LGSN: variants seen among roughly 807,000 people sequenced by gnomAD.
LGSN encodes lengsin.
A neutral mutation model predicts 19.5 loss-of-function variants in LGSN; 21 were observed. The ratio of observed to expected loss-of-function variants is 1.07; its 90% CI spans 0.76 to 1.55. LGSN has a LOEUF of 1.55. Among genes scored for constraint, LGSN ranks in the 40% most tolerant of loss-of-function variants. LGSN has a pLI of 0.00. For missense variants in LGSN, 673 were observed against 608.5 expected (o/e 1.11, Z -1.12); for synonymous variants, 257 against 215.6 (o/e 1.19, Z -1.68).
chr6:63,490,073 A>G, the LGSN span, among the ~76,000 whole-genome samples: 1 of 152,358 alleles, frequency 6.6e-6, no homozygotes, highest in East Asian at 1.9e-4. Flanking sequence ...ATAAAATAAC[A>G]TTTCATTGAA....
the LGSN span, among the ~76,000 whole-genome samples, chr6:63,447,880 T>C: frequency 1.1e-4 from 16 of 152,300 alleles, no homozygotes; most frequent in Admixed American, 2.0e-4. Context: ...AATTAAATGA[T>C]GGCACTTCTC....
chr6:63,300,919 A>C (rs755605666), intron 1 of LGSN, among the ~76,000 whole-genome samples: 5 of 152,202 alleles, frequency 3.3e-5, no homozygotes, highest in Non-Finnish European at 5.9e-5. Flanking sequence ...AAAATCATTA[A>C]CTTCCTAGGT....
At chr6:63,471,193 G>T in the LGSN span, among the ~76,000 whole-genome samples, 1 of 151,000 alleles carries the variant, frequency 6.6e-6, no homozygotes, top group Non-Finnish European at 1.5e-5. Context: ...AGTCAAGCTG[G>T]TCTCAAATTC....
chr6:63,441,546 G>A, the LGSN span: 3 of 419,164 alleles, frequency 7.2e-6, no homozygotes, highest in South Asian at 6.2e-5. Flanking sequence ...AGTGGGAGAG[G>A]CAGCAGGGTT....
At chr6:63,439,113 C>G in the LGSN span, among the ~76,000 whole-genome samples, 3 of 151,858 alleles carry the variant, frequency 2.0e-5, no homozygotes, top group Admixed American at 1.3e-4. Flanking sequence ...AACAAAAAAC[C>G]AAACACCGCA....
the LGSN span, among the ~76,000 whole-genome samples, chr6:63,518,933 T>C: frequency 6.6e-6 from 1 of 152,360 alleles, no homozygotes; most frequent in South Asian, 2.1e-4. Context: ...CCATATATTA[T>C]ACTTTCAGCA....
At chr6:63,537,610 T>C in the LGSN span, among the ~76,000 whole-genome samples, 1 of 152,248 alleles carries the variant, frequency 6.6e-6, no homozygotes, top group Non-Finnish European at 1.5e-5. Context: ...TCTGCATTTG[T>C]TTGTTTTACT....
the LGSN span, among the ~76,000 whole-genome samples, chr6:63,500,958 C>A: frequency 1.3e-5 from 2 of 151,848 alleles, no homozygotes; most frequent in African/African-American, 4.8e-5. Context: ...AAACTCCTGA[C>A]CCCAAGTGAT....
At chr6:63,357,097 T>C in the LGSN span, among the ~76,000 whole-genome samples, 3,416 of 151,506 alleles carry the variant, frequency 0.023, 47 homozygotes, top group Non-Finnish European at 0.036. Context: ...TTTTTTGTCC[T>C]TGCGATAGTT....
the LGSN span, among the ~76,000 whole-genome samples, chr6:63,437,432 G>GT: frequency 3.8e-3 from 570 of 151,914 alleles, 2 homozygotes; most frequent in African/African-American, 0.013. Context: ...TTTTGTTTTT[G>GT]TTTTTTTGAG....
the LGSN span, among the ~76,000 whole-genome samples, chr6:63,401,035 G>C: frequency 6.6e-6 from 1 of 152,090 alleles, no homozygotes; most frequent in Non-Finnish European, 1.5e-5. Context: ...TATTTGATAA[G>C]CCCATTATTA....
At chr6:63,359,722 C>A in the LGSN span, among the ~76,000 whole-genome samples, 1 of 152,082 alleles carries the variant, frequency 6.6e-6, no homozygotes, top group Admixed American at 6.6e-5. Flanking sequence ...ATTCTTCTCT[C>A]TTTTCTTCTT....
the LGSN span, among the ~76,000 whole-genome samples, chr6:63,534,390 C>T: frequency 6.6e-6 from 1 of 151,690 alleles, no homozygotes; most frequent in African/African-American, 2.4e-5. Context: ...ACTAGTAAAC[C>T]TGATACATTT....
chr6:63,356,322 G>A, the LGSN span, among the ~76,000 whole-genome samples: 1 of 152,044 alleles, frequency 6.6e-6, no homozygotes, highest in Non-Finnish European at 1.5e-5. Flanking sequence ...GGAAGATCAC[G>A]TGAAGTCAGG....
chr6:63,331,026 G>A, the LGSN span, among the ~76,000 whole-genome samples: 1 of 152,080 alleles, frequency 6.6e-6, no homozygotes, highest in Admixed American at 6.5e-5. Flanking sequence ...TACCTGAGTT[G>A]GGCCAAATTC....
chr6:63,382,892 A>G, the LGSN span, among the ~76,000 whole-genome samples: 3 of 152,352 alleles, frequency 2.0e-5, no homozygotes, highest in African/African-American at 7.2e-5. Flanking sequence ...CAACAGTTCA[A>G]GAATGGGTAA....
Position 63,294,914 on chromosome 6 carries a change from A to C in LGSN, c.162T>G (p.Asn54Lys). The C allele has an allele frequency of 1.9e-6, 3 of 1,613,852 alleles. No homozygotes were observed. Among genetic ancestry groups the C allele is most frequent in the Non-Finnish European group, 2.5e-6 (3 of 1,179,866 alleles). ...EVGETDMSNS[N>K]DCMRDSSQIL... ...TGAGGACTCAGAGTAGTTAGATACCATTTGAATTGGACATATCCGTTTCTC... is the reference window on the plus strand; with the variant it reads ...TGAGGACTCAGAGTAGTTAGATACCCTTTGAATTGGACATATCCGTTTCTC... Residue 54 changes from asparagine (N) to lysine (K), a missense_variant and splice_region_variant, in exon 2 of 4, where the codon AAT (asparagine) becomes AAG (lysine). Physicochemically the swap from Asn to Lys is moderately conservative, Grantham distance 94 (BLOSUM62 0). Coordinates refer to ENST00000370657, the MANE Select transcript of LGSN (RefSeq NM_016571.3).
chr6:63,459,241 A>AC, the LGSN span, among the ~76,000 whole-genome samples: 1 of 152,020 alleles, frequency 6.6e-6, no homozygotes, highest in Non-Finnish European at 1.5e-5. Context: ...CTCTCAAAAG[A>AC]TTTTTTTTAT....
At chr6:63,388,462 C>T in the LGSN span, among the ~76,000 whole-genome samples, 1 of 152,048 alleles carries the variant, frequency 6.6e-6, no homozygotes, top group African/African-American at 2.4e-5. Context: ...TAAAATGAGG[C>T]CAGTTAGGGT....
Sources: allele counts gnomAD v4.1 joint callset (sites outside exome capture counted in the v4.1 genomes callset), GRCh38; gene constraint gnomAD v4.1.1; transcripts MANE v1.5; gene names NCBI Gene and HGNC (gene_info 2026-07-23, HGNC 2026-07-21).